Variants in MYO6 observed in about 807,000 individuals in gnomAD.
MYO6 encodes the protein myosin VI.
Under a neutral mutation model 178.7 loss-of-function variants are expected in MYO6, and 74 were observed. That is an observed-to-expected ratio of 0.41 (90% confidence interval 0.34 to 0.50). MYO6 has a LOEUF of 0.50. MYO6 is among the 20% of genes least tolerant of loss of function. The pLI is 0.09. For missense variants in MYO6, 1,330 were observed against 1,547.4 expected (o/e 0.86, Z 2.36); for synonymous variants, 477 against 504.6 (o/e 0.95, Z 0.73).
intron 25 of MYO6, among the ~76,000 whole-genome samples, chr6:75,888,692 A>G (rs777576765): frequency 7.2e-5 from 11 of 151,940 alleles, no homozygotes; most frequent in Admixed American, 1.3e-4. Context: ...TTATTTTTAC[A>G]GTATAATTTT....
At position 75,776,666 on chromosome 6, in the gene MYO6, G is replaced by A. The variant is rs141501534; in HGVS notation, c.-48+27243G>A. ...GTAGAAACGTGCAGTGTGTGTGTGT[G>A]TGTGTGTGTGTGTGTGTATGTGTTT... On this transcript the variant is annotated intron_variant, in intron 1 of 34. Coordinates refer to ENST00000369977, the MANE Select transcript of MYO6 (RefSeq NM_004999.4). 8.9e-3 allele frequency among the ~76,000 whole-genome samples: 1,347 copies of A among 151,710 alleles called. 9 individuals carry two copies. Among genetic ancestry groups the A allele is most frequent in the South Asian group, 0.017 (83 of 4,808 alleles).
intron 19 of MYO6, among the ~76,000 whole-genome samples, chr6:75,871,513 G>T (rs1777145729): frequency 6.6e-6 from 1 of 152,178 alleles, no homozygotes; most frequent in Non-Finnish European, 1.5e-5. Context: ...GCCTCTCAAA[G>T]TGCTGGCATT....
At chr6:75,759,263 A>G (rs2149980978) in intron 1 of MYO6, among the ~76,000 whole-genome samples, 2 of 152,280 alleles carry the variant, frequency 1.3e-5, no homozygotes, top group South Asian at 4.1e-4. Flanking sequence ...CAGACTTGGC[A>G]TTGTTAGTCA....
At position 75,855,021 on chromosome 6, in the gene MYO6, A is replaced by C. The variant is rs184024763; in HGVS notation, c.1079-118A>C. The C allele has an allele frequency of 7.7e-6, 7 of 905,736 alleles. No individual in the cohort carries two copies. In the East Asian group the frequency reaches 1.9e-4, roughly 24 times the overall value. The allele number at this position is 905,736 out of a possible 1,614,324, so 56.1% of individuals were successfully genotyped here. The stretch of plus-strand genomic sequence containing the variant: ...AAAGTGAGGTAGATTTAAAAGTTAC[A>C]AATAAGCCTTGCCTATTATATGGTT... On this transcript the variant is annotated intron_variant, in intron 11 of 34. Transcript: ENST00000369977.
intron 3 of MYO6, among the ~76,000 whole-genome samples, chr6:75,823,331 TG>T (rs1772099685): frequency 1.3e-5 from 2 of 152,218 alleles, no homozygotes; most frequent in African/African-American, 4.8e-5. Flanking sequence ...AGCATTAATT[TG>T]ACTTATAACA....
At chr6:75,755,594 G>C (rs1207039232) in intron 1 of MYO6, among the ~76,000 whole-genome samples, 1 of 152,132 alleles carries the variant, frequency 6.6e-6, no homozygotes, top group Non-Finnish European at 1.5e-5. Context: ...AAAAAGGAAG[G>C]AGAAAAATGT....
chr6:75,858,162 G>A (rs1775886694), intron 13 of MYO6, among the ~76,000 whole-genome samples: 1 of 151,982 alleles, frequency 6.6e-6, no homozygotes, highest in Non-Finnish European at 1.5e-5. Context: ...TAGACATCAT[G>A]CAATATAATC....
chr6:75,770,339 T>C (rs1329696468), intron 1 of MYO6, among the ~76,000 whole-genome samples: 1 of 152,230 alleles, frequency 6.6e-6, no homozygotes, highest in Non-Finnish European at 1.5e-5. Context: ...AGAGAGATTG[T>C]TATAAAGATA....
In MYO6 at chr6:75,908,504, C is replaced by T. The variant is rs768628315; in HGVS notation, c.3289C>T (p.Leu1097Phe). 6.2e-7 allele frequency: 1 copy of T among 1,612,816 alleles called. No homozygotes were observed. The highest frequency in any genetic ancestry group is 1.1e-5 in the South Asian group (1 of 91,016). ...CTCAATGTAATCAATAGATATTGAG[C>T]TCCTGGCAGCTTGCAGAGAAGAATT... ...DTINTSCDIE[L>F]LAACREEFHR... The change falls in exon 32 of 35, where the codon CTC (leucine) becomes TTC (phenylalanine). Residue 1097 changes from leucine to phenylalanine, a missense_variant. Physicochemically the swap from Leu to Phe is conservative, Grantham distance 22. Transcript: ENST00000369977.
chr6:75,903,259 G>A (rs1779973600), intron 30 of MYO6, among the ~76,000 whole-genome samples: 2 of 152,016 alleles, frequency 1.3e-5, no homozygotes, highest in African/African-American at 4.8e-5. Context: ...GTGCAGAGCT[G>A]AGTTCAATTC....
At chr6:75,866,658 G>A (rs769303024) in intron 17 of MYO6, 37 bp downstream of exon 17, 19 of 1,513,286 alleles carry the variant, frequency 1.3e-5, no homozygotes, top group African/African-American at 6.9e-5. Flanking sequence ...ACCATTTCAT[G>A]TTGAAGCTGC....
At chr6:75,749,581 C>T (rs1204005318) in intron 1 of MYO6, among the ~76,000 whole-genome samples, 158 bp downstream of exon 1, 1 of 152,120 alleles carries the variant, frequency 6.6e-6, no homozygotes, top group African/African-American at 2.4e-5. Flanking sequence ...GATGGGTGGG[C>T]CCTGGGCAGC....
At chr6:75,901,756 A>G (rs1356495752) in intron 30 of MYO6, among the ~76,000 whole-genome samples, 1 of 152,104 alleles carries the variant, frequency 6.6e-6, no homozygotes, top group African/African-American at 2.4e-5. Context: ...AACTTCCAAC[A>G]CTATGTTGAA....
At chr6:75,822,701 T>G in intron 2 of MYO6, 81 bp from the exon 3 acceptor site, 1 of 1,022,376 alleles carries the variant, frequency 9.8e-7, no homozygotes. Flanking sequence ...ACTATTACAG[T>G]GTATGCAACC....
Position 75,890,234 on chromosome 6 carries a change from C to A in MYO6, c.2836C>A (p.Arg946Ser), listed in dbSNP as rs141845119. 4 of 1,612,354 alleles carry A rather than the reference C, an allele frequency of 2.5e-6. No individual in the cohort carries two copies. The highest frequency in any genetic ancestry group is 2.2e-5 in the East Asian group (1 of 44,860). ...ERKRREEDEK[R>S]RRKEEEERRM... Reference sequence around the variant, plus strand: ...AAAAAGACGTGAAGAAGACGAAAAACGTCGAAGAAAGGAAGAGGAGGAAAG... The same window carrying A: ...AAAAAGACGTGAAGAAGACGAAAAAAGTCGAAGAAAGGAAGAGGAGGAAAG... The change falls in exon 26 of 35, where the codon CGT (arginine) becomes AGT (serine). Residue 946 changes from arginine to serine, a missense_variant. This residue lies in a region of MYO6 where 601 missense variants were observed against 626.1 expected (regional missense o/e 0.96). Coordinates refer to ENST00000369977, the MANE Select transcript of MYO6 (RefSeq NM_004999.4).
In MYO6 at chr6:75,886,039, A is replaced by G; in HGVS notation, c.2452A>G (p.Ile818Val). ...NKIKYRAEACIKMQKTIRMWL... is the reference protein window; with the variant it reads ...NKIKYRAEACVKMQKTIRMWL... Reference sequence around the variant, plus strand: ...AATAAAATATCGAGCTGAAGCCTGCATTAAAATGCAAAAAACTATTCGAAT... The same window carrying G: ...AATAAAATATCGAGCTGAAGCCTGCGTTAAAATGCAAAAAACTATTCGAAT... The change falls in exon 24 of 35, where the codon ATT becomes GTT. Residue 818 changes from isoleucine (I) to valine (V), a missense_variant. By Grantham distance (29) the Ile-to-Val change is conservative. Transcript: ENST00000369977. 3 of 1,612,148 alleles carry G rather than the reference A, an allele frequency of 1.9e-6. No individual in the cohort carries two copies. Among genetic ancestry groups the G allele is most frequent in the Non-Finnish European group, 2.5e-6 (3 of 1,178,638 alleles).
chr6:75,848,567 A>T, intron 11 of MYO6, 36 bp downstream of exon 11: 1 of 1,590,992 alleles, frequency 6.3e-7, no homozygotes, highest in Non-Finnish European at 8.6e-7. Flanking sequence ...AAAAAAATTA[A>T]ATAGAATTTC....
At chr6:75,882,343 C>T (rs1346094477) in intron 23 of MYO6, among the ~76,000 whole-genome samples, 3 of 152,182 alleles carry the variant, frequency 2.0e-5, no homozygotes, top group Admixed American at 1.3e-4. Context: ...GACTGGTTTT[C>T]CTGGTTTCTT....
chr6:75,916,730 T>A lies in MYO6; in HGVS notation c.*1718T>A, dbSNP rs528312641. The A allele has an allele frequency of 1.3e-5, 2 of 152,438 alleles. No individual in the cohort carries two copies. Among genetic ancestry groups the A allele is most frequent in the African/African-American group, 4.8e-5 (2 of 41,574 alleles). 9.4% of individuals were successfully genotyped at this position (152,438 alleles called of 1,614,324 possible). A position where few individuals can be genotyped will look rare whatever the true frequency, so the allele number is the denominator to read the frequency against. On this transcript the variant is annotated 3_prime_UTR_variant, in exon 35 of 35. Transcript: ENST00000369977. ...ATTTAGTAGCCAAATTGTTTTTTAA[T>A]GACATGTCTCTTTAGTACAATAGTT...
Sources: allele counts gnomAD v4.1 joint callset (sites outside exome capture counted in the v4.1 genomes callset), GRCh38; gene constraint gnomAD v4.1.1; regional missense constraint gnomAD v4.1.1; transcripts MANE v1.5; gene names NCBI Gene and HGNC (gene_info 2026-07-23, HGNC 2026-07-21).